RTTN: variants seen among roughly 807,000 people sequenced by gnomAD.
RTTN encodes the protein rotatin.
In RTTN, 182 loss-of-function variants were observed where a neutral mutation model predicts 269.2. The ratio of observed to expected loss-of-function variants is 0.68; its 90% CI spans 0.60 to 0.76. RTTN has a LOEUF of 0.76. RTTN is among the 30% of genes least tolerant of loss of function. The pLI, the probability that RTTN is intolerant of heterozygous loss-of-function variation, is 0.00. For missense variants in RTTN, 2,545 were observed against 2,608.6 expected, an observed-to-expected ratio of 0.98 and a Z score of 0.53; for synonymous variants, 1,006 against 963.5, an observed-to-expected ratio of 1.04 and a Z score of -0.82.
chr18:70,155,002 A>G (rs556030603), intron 14 of RTTN, among the ~76,000 whole-genome samples: 93 of 152,282 alleles, frequency 6.1e-4, no homozygotes, highest in Non-Finnish European at 2.8e-4. Flanking sequence ...GACTCAATAG[A>G]AGGAGGCTCC....
chr18:70,054,557 G>A (rs1454335710), intron 37 of RTTN, among the ~76,000 whole-genome samples: 3 of 152,200 alleles, frequency 2.0e-5, no homozygotes, highest in Non-Finnish European at 2.9e-5. Flanking sequence ...TTGGCCAGGT[G>A]TGGTAGCTAA....
intron 28 of RTTN, 64 bp downstream of exon 28, chr18:70,109,434 T>TATAC: frequency 8.3e-7 from 1 of 1,203,802 alleles, no homozygotes. Context: ...ATAATGCACT[T>TATAC]GTGGCCTGGC....
chr18:70,053,974 A>G lies in RTTN; in HGVS notation c.5185+157T>C, dbSNP rs537178167. ...ACACTTGTCTTAATTGGTACCATTA[A>G]AAGGCATCCAAACTATAAAACACAT... On this transcript the variant is annotated intron_variant, in intron 38 of 48. Coordinates refer to ENST00000640769, the MANE Select transcript of RTTN (RefSeq NM_173630.4). Among the ~76,000 whole-genome samples the G allele has an allele frequency of 6.6e-5, 10 of 152,358 alleles. 1 individual carries two copies. In the South Asian group the frequency reaches 1.4e-3, roughly 22 times the overall value.
Position 70,074,003 on chromosome 18 carries a change from A to G in RTTN, c.4565-9T>C. 6.3e-7 allele frequency: 1 copy of G among 1,598,592 alleles called. No homozygotes were observed. The highest frequency in any genetic ancestry group is 1.7e-4 in the Middle Eastern group (1 of 5,994). On this transcript the variant is annotated splice_polypyrimidine_tract_variant and intron_variant, in intron 33 of 48. Transcript: ENST00000640769. ...GAATGAGTCATCTAAACCTGCAACA[A>G]CGAGAAAATTGTTAACATGGACACC...
In RTTN at chr18:70,088,072, A is replaced by G; in HGVS notation, c.4219T>C (p.Cys1407Arg). 1 of 1,613,998 alleles carries G rather than the reference A, an allele frequency of 6.2e-7. No homozygotes were observed. The highest frequency in any genetic ancestry group is 8.5e-7 in the Non-Finnish European group (1 of 1,179,932). The stretch of plus-strand genomic sequence containing the variant: ...CAGAGCCCACCGGAAATGTTCTGAC[A>G]ACTGTTTGCTAAGGCCACACAGCCC... ...ETGCVALANS[C>R]QNISGGLWGT... is the part of the protein sequence containing the mutation. The change falls in exon 31 of 49, where the codon TGT becomes CGT. Residue 1407 changes from cysteine (C) to arginine (R), a missense_variant. By Grantham distance (180) the Cys-to-Arg change is radical (BLOSUM62 -3). Transcript: ENST00000640769.
intron 28 of RTTN, 68 bp downstream of exon 28, chr18:70,109,430 C>T (rs2059403466): frequency 1.8e-6 from 2 of 1,091,152 alleles, no homozygotes; most frequent in African/African-American, 1.5e-5. Context: ...ACGTATAATG[C>T]ACTTGTGGCC....
At chr18:70,133,580 C>G (rs1309470297) in intron 23 of RTTN, among the ~76,000 whole-genome samples, 1 of 150,034 alleles carries the variant, frequency 6.7e-6, no homozygotes, top group Non-Finnish European at 1.5e-5. Context: ...TTGCTTCATG[C>G]AGCAACATGG....
rs1024652244 is a variant in RTTN, at chr18:70,048,772, C to G, written c.5324-584G>C. Among the ~76,000 whole-genome samples, 6 of 151,596 alleles carry G rather than the reference C, an allele frequency of 4.0e-5. 1 individual carries two copies. The highest frequency in any genetic ancestry group is 7.4e-5 in the Non-Finnish European group (5 of 67,922). On this transcript the variant is annotated intron_variant, in intron 39 of 48. Coordinates refer to ENST00000640769, the MANE Select transcript of RTTN (RefSeq NM_173630.4). ...ATGATGTCCAAATATTAGTCAAGTT[C>G]GAGAAAAGACTCTTATAGATAACAC...
rs965763547 is a variant in RTTN at position 70,057,178 on chromosome 18, G to A, written c.5031+564C>T. Among the ~76,000 whole-genome samples the A allele has an allele frequency of 2.0e-5, 3 of 152,282 alleles. No individual in the cohort carries two copies. In the South Asian group the frequency reaches 6.2e-4, roughly 32 times the overall value. ...CATCACCTCCTAAATAAATCTTGTA[G>A]CCCTTCTTAAAATTTGATTTTGAAA... On this transcript the variant is annotated intron_variant, in intron 37 of 48. Transcript: ENST00000640769.
rs1355323058 is a variant in RTTN, at chr18:70,020,866, G to A, written c.5951-49C>T. 2.0e-6 allele frequency: 3 copies of A among 1,503,634 alleles called. No individual in the cohort carries two copies. The African/African-American group carries it at 4.2e-5, about 21-fold the overall frequency. 93.1% of individuals were successfully genotyped at this position (1,503,634 alleles called of 1,614,324 possible). ...AATGTCTTCTCAGTTTCCCTGTTTA[G>A]TTTTTGAAGACACTAAGTGGCAAAG... is the stretch of plus-strand genomic sequence containing the variant. On this transcript the variant is annotated intron_variant, in intron 44 of 48. Transcript: ENST00000640769.
intron 11 of RTTN, among the ~76,000 whole-genome samples, chr18:70,174,582 A>C (rs1272952756): frequency 6.6e-6 from 1 of 152,108 alleles, no homozygotes; most frequent in Non-Finnish European, 1.5e-5. Context: ...GAAAAAAAGA[A>C]ACCTAAAAGC....
intron 36 of RTTN, among the ~76,000 whole-genome samples, chr18:70,058,416 G>A (rs1294016144): frequency 1.3e-5 from 2 of 152,128 alleles, no homozygotes; most frequent in Non-Finnish European, 2.9e-5. Flanking sequence ...TACTCAGGAG[G>A]TTGAGACAGG....
intron 12 of RTTN, among the ~76,000 whole-genome samples, chr18:70,167,563 A>C (rs1427794939): frequency 6.6e-6 from 1 of 152,144 alleles, no homozygotes; most frequent in Non-Finnish European, 1.5e-5. Context: ...CTCTACTAAA[A>C]ATACAAAAAA....
chr18:70,019,684 TA>T (rs751720491), intron 45 of RTTN: 3 of 152,192 alleles, frequency 2.0e-5, no homozygotes, highest in Admixed American at 6.5e-5. Context: ...GGAATTTTTA[TA>T]AAATTCCTGC....
intron 44 of RTTN, among the ~76,000 whole-genome samples, chr18:70,021,512 G>C (rs1394669876): frequency 6.6e-6 from 1 of 152,156 alleles, no homozygotes; most frequent in Non-Finnish European, 1.5e-5. Context: ...AGTATAAACT[G>C]ATCAGAATCA....
chr18:70,199,362 C>T, intron 5 of RTTN, 52 bp downstream of exon 5: 2 of 1,242,578 alleles, frequency 1.6e-6, no homozygotes, highest in South Asian at 1.2e-5. Flanking sequence ...AACTATCAAA[C>T]TTAATGACTA....
intron 26 of RTTN, among the ~76,000 whole-genome samples, chr18:70,119,667 A>G (rs910156614): frequency 2.6e-5 from 4 of 152,208 alleles, no homozygotes; most frequent in African/African-American, 9.6e-5. Flanking sequence ...CTCAGCACAC[A>G]CGCACCTCTA....
At chr18:70,165,324 C>A (rs1192847379) in intron 14 of RTTN, among the ~76,000 whole-genome samples, 2 of 151,304 alleles carry the variant, frequency 1.3e-5, no homozygotes, top group African/African-American at 2.4e-5. Flanking sequence ...AAAGATACAG[C>A]TTTATAAATA....
At chr18:70,085,529 C>G (rs1053016887) in intron 32 of RTTN, among the ~76,000 whole-genome samples, 1 of 152,076 alleles carries the variant, frequency 6.6e-6, no homozygotes, top group South Asian at 2.1e-4. Context: ...TAGATTTATA[C>G]AGGATTTTGA....
Sources: gnomAD v4.1 joint callset for allele counts (sites outside exome capture counted in the v4.1 genomes callset) on GRCh38, gnomAD v4.1.1 for gene constraint, MANE v1.5 for transcripts, NCBI Gene and HGNC (gene_info 2026-07-23, HGNC 2026-07-21) for gene names.